Variants in FRAS1 observed in about 807,000 individuals in gnomAD.
The protein encoded by FRAS1 is extracellular matrix organizing protein FRAS1.
A neutral mutation model predicts 435.2 loss-of-function variants in FRAS1; 290 were observed. That is an observed-to-expected ratio of 0.67 (90% CI 0.61 to 0.73). The LOEUF is 0.73. Among genes scored for constraint, FRAS1 ranks in the 30% least tolerant of loss-of-function variants. The probability of loss-of-function intolerance (pLI) is 0.00; values close to 1 mark genes in which losing one functional copy is unlikely to be tolerated. For missense variants in FRAS1, 4,860 were observed against 5,001.5 expected (o/e 0.97, Z 0.85); for synonymous variants, 1,800 against 1,851.0 (o/e 0.97, Z 0.71).
At chr4:78,432,267 A>G in intron 37 of FRAS1, 90 bp from the exon 38 acceptor site, 5 of 1,319,990 alleles carry the variant, frequency 3.8e-6, no homozygotes, top group Non-Finnish European at 5.1e-6. Flanking sequence ...ATCCTATATG[A>G]ACCTTAAAGT....
chr4:78,063,047 C>A (rs956244675), intron 1 of FRAS1, among the ~76,000 whole-genome samples: 9 of 152,150 alleles, frequency 5.9e-5, no homozygotes, highest in African/African-American at 1.7e-4. Context: ...TCACCTTGAG[C>A]TGGAATTTTC....
chr4:78,515,734 A>C (rs77815169), intron 65 of FRAS1, 65 bp from the exon 66 acceptor site: 1 of 1,483,932 alleles, frequency 6.7e-7, no homozygotes, highest in Non-Finnish European at 9.4e-7. Flanking sequence ...TGAGCTCTTC[A>C]CCCCACCCTG....
chr4:78,490,520 T>C (rs968836857), intron 59 of FRAS1, among the ~76,000 whole-genome samples: 5 of 152,116 alleles, frequency 3.3e-5, no homozygotes, highest in African/African-American at 2.4e-5. Flanking sequence ...ACCACACAAC[T>C]ACATGGAAAC....
intron 71 of FRAS1, among the ~76,000 whole-genome samples, chr4:78,536,159 C>T (rs1721874595): frequency 6.7e-6 from 1 of 149,466 alleles, no homozygotes; most frequent in African/African-American, 2.5e-5. Flanking sequence ...CCAGGGCTTA[C>T]ATCCTTGAAG....
At chr4:78,423,706 G>A (rs1733888765) in intron 34 of FRAS1, among the ~76,000 whole-genome samples, 1 of 152,084 alleles carries the variant, frequency 6.6e-6, no homozygotes, top group African/African-American at 2.4e-5. Context: ...AATCTCTAAC[G>A]GTGGGTATAG....
chr4:78,090,548 C>T (rs79587231), intron 2 of FRAS1, among the ~76,000 whole-genome samples: 2 of 152,164 alleles, frequency 1.3e-5, no homozygotes, highest in East Asian at 3.9e-4. Context: ...AAGAGGCCTC[C>T]GTCACTTTTA....
At chr4:78,537,933 A>G (rs11932879) in intron 72 of FRAS1, among the ~76,000 whole-genome samples, 23,186 of 150,920 alleles carry the variant, frequency 0.15, 2,028 homozygotes, top group Non-Finnish European at 0.21. Context: ...GCAACAGAGC[A>G]AGACCCTATC....
chr4:78,337,612 A>G, intron 19 of FRAS1, 62 bp from the exon 20 acceptor site: 1 of 1,540,680 alleles, frequency 6.5e-7, no homozygotes, highest in African/African-American at 1.4e-5. Flanking sequence ...AATGCATTAA[A>G]TACTTCACGC....
At chr4:78,058,767 C>T (rs1469829873) in intron 1 of FRAS1, among the ~76,000 whole-genome samples, 1 of 152,206 alleles carries the variant, frequency 6.6e-6, no homozygotes, top group African/African-American at 2.4e-5. Flanking sequence ...TGTAAAACCC[C>T]GGAGCCGCAG....
chr4:78,304,561 C>A (rs1348899466), intron 14 of FRAS1, among the ~76,000 whole-genome samples: 1 of 151,958 alleles, frequency 6.6e-6, no homozygotes, highest in Non-Finnish European at 1.5e-5. Context: ...TTGGTCTATT[C>A]AGAGATTCAA....
chr4:78,456,322 T>C (rs1169196407), intron 47 of FRAS1, among the ~76,000 whole-genome samples: 1 of 152,084 alleles, frequency 6.6e-6, no homozygotes, highest in Non-Finnish European at 1.5e-5. Flanking sequence ...TTCGTATTTT[T>C]AGTAGAGACA....
At chr4:78,506,971 C>T (rs759018431) in intron 61 of FRAS1, among the ~76,000 whole-genome samples, 1 of 152,126 alleles carries the variant, frequency 6.6e-6, no homozygotes, top group Non-Finnish European at 1.5e-5. Context: ...TGGAGGCTGG[C>T]TTGGTAGATA....
intron 29 of FRAS1, among the ~76,000 whole-genome samples, chr4:78,391,925 C>T (rs1293165763): frequency 6.6e-6 from 1 of 152,158 alleles, no homozygotes; most frequent in East Asian, 1.9e-4. Flanking sequence ...ATGTCTATTT[C>T]TTATGAGTAA....
At position 78,258,678 on chromosome 4, in the gene FRAS1, TTTTA is replaced by T. The variant is rs376597200; in HGVS notation, c.603+3311_603+3314del. Among the ~76,000 whole-genome samples the T allele has an allele frequency of 9.5e-4, 142 of 148,814 alleles. 1 individual carries two copies. In the East Asian group the frequency reaches 0.02, roughly 21 times the overall value. On this transcript the variant is annotated intron_variant, in intron 6 of 73. Coordinates refer to ENST00000512123, the MANE Select transcript of FRAS1 (RefSeq NM_025074.7). Reference sequence around the variant, plus strand: ...TTTATTTTTTTCATCCTTTTTTAACTTTTATTTATTTTTATTTTTATTTATTTAT... The same window carrying T: ...TTTATTTTTTTCATCCTTTTTTAACTTTTATTTTTATTTTTATTTATTTAT...
chr4:78,136,721 A>G (rs560543352), intron 2 of FRAS1, among the ~76,000 whole-genome samples: 1 of 152,314 alleles, frequency 6.6e-6, no homozygotes, highest in South Asian at 2.1e-4. Flanking sequence ...AGTCTTGGAC[A>G]TACCACCCTG....
intron 41 of FRAS1, among the ~76,000 whole-genome samples, chr4:78,442,193 C>T (rs1734686700): frequency 1.3e-5 from 2 of 152,204 alleles, no homozygotes; most frequent in African/African-American, 4.8e-5. Flanking sequence ...TCCCATCTTT[C>T]CTTTCAATGT....
intron 65 of FRAS1, among the ~76,000 whole-genome samples, chr4:78,514,017 A>G (rs1040605510): frequency 6.6e-6 from 1 of 152,168 alleles, no homozygotes; most frequent in African/African-American, 2.4e-5. Context: ...GCTGAGAGGG[A>G]GTTTGGGGTT....
At chr4:78,472,009 C>T (rs1167847702) in intron 51 of FRAS1, among the ~76,000 whole-genome samples, 171 bp from the exon 52 acceptor site, 1 of 152,190 alleles carries the variant, frequency 6.6e-6, no homozygotes, top group African/African-American at 2.4e-5. Context: ...ACCTCAAGGG[C>T]AGAAGCTGGA....
intron 2 of FRAS1, among the ~76,000 whole-genome samples, chr4:78,138,465 A>G (rs1043044985): frequency 2.6e-5 from 4 of 152,222 alleles, no homozygotes; most frequent in African/African-American, 4.8e-5. Flanking sequence ...CATCCAGGAT[A>G]TGTGTAGAGA....
Sources: gnomAD v4.1 joint callset for allele counts (sites outside exome capture counted in the v4.1 genomes callset) on GRCh38, gnomAD v4.1.1 for gene constraint, MANE v1.5 for transcripts, NCBI Gene and HGNC (gene_info 2026-07-23, HGNC 2026-07-21) for gene names.